Variants in BIRC6 observed in about 807,000 individuals in gnomAD.
The protein encoded by BIRC6 is dual E2 ubiquitin-conjugating enzyme/E3 ubiquitin-protein ligase BIRC6.
In BIRC6, 98 loss-of-function variants were observed where a neutral mutation model predicts 503.3. The ratio of observed to expected loss-of-function variants is 0.19; its 90% CI spans 0.17 to 0.23. The LOEUF is 0.23. Among genes scored for constraint, BIRC6 ranks in the 10% least tolerant of loss-of-function variants. BIRC6 has a pLI of 1.00. For synonymous variants in BIRC6, 2,240 were observed against 2,078.7 expected, an observed-to-expected ratio of 1.08 and a Z score of -2.11; for missense variants, 5,360 against 5,806.0, an observed-to-expected ratio of 0.92 and a Z score of 2.50.
chr2:32,556,203 CTT>C (rs2058769128), intron 65 of BIRC6, among the ~76,000 whole-genome samples: 1 of 152,078 alleles, frequency 6.6e-6, no homozygotes, highest in African/African-American at 2.4e-5. Flanking sequence ...GTGGAAATGA[CTT>C]TGGTATAGAA....
intron 10 of BIRC6, among the ~76,000 whole-genome samples, chr2:32,421,603 T>C (rs2042963186): frequency 1.3e-5 from 2 of 152,242 alleles, no homozygotes; most frequent in South Asian, 4.1e-4. Context: ...AGAGATTATT[T>C]AAAAGTGTTT....
intron 50 of BIRC6, among the ~76,000 whole-genome samples, chr2:32,506,222 A>G (rs959629974): frequency 7.9e-5 from 12 of 152,186 alleles, no homozygotes. Flanking sequence ...AAATTAATAC[A>G]CATGCTTACA....
intron 61 of BIRC6, among the ~76,000 whole-genome samples, chr2:32,533,740 G>A (rs984843412): frequency 6.6e-6 from 1 of 152,176 alleles, no homozygotes. Context: ...GCCATGGAAC[G>A]TAAGTAGCCT....
intron 63 of BIRC6, 131 bp downstream of exon 63, chr2:32,545,991 A>AAAAT (rs777391441): frequency 4.0e-4 from 333 of 835,232 alleles, no homozygotes; most frequent in Non-Finnish European, 5.4e-4. Context: ...AAGGATATTT[A>AAAAT]AAACAGAAAT....
intron 4 of BIRC6, among the ~76,000 whole-genome samples, chr2:32,390,391 C>T (rs1330755246): frequency 6.6e-6 from 1 of 151,252 alleles, no homozygotes; most frequent in South Asian, 2.1e-4. Context: ...AGGATGGTCT[C>T]GAGCTCCTGA....
intron 62 of BIRC6, 111 bp from the exon 63 acceptor site, chr2:32,545,532 A>C: frequency 1.2e-6 from 1 of 855,558 alleles, no homozygotes; most frequent in South Asian, 1.5e-5. Context: ...TAAATAATTT[A>C]GTGGTATACT....
intron 56 of BIRC6, 126 bp from the exon 57 acceptor site, chr2:32,518,691 A>G: frequency 9.4e-6 from 11 of 1,174,716 alleles, no homozygotes; most frequent in South Asian, 3.3e-5. Context: ...ACTATGCCAT[A>G]TCTAAATTAA....
chr2:32,544,954 G>A (rs1414843899), intron 62 of BIRC6, among the ~76,000 whole-genome samples: 1 of 151,136 alleles, frequency 6.6e-6, no homozygotes, highest in East Asian at 1.9e-4. Flanking sequence ...TTATACATAC[G>A]ATATTTTGAT....
intron 50 of BIRC6, 42 bp from the exon 51 acceptor site, chr2:32,507,938 A>G: frequency 1.3e-6 from 2 of 1,576,742 alleles, no homozygotes; most frequent in Non-Finnish European, 1.7e-6. Context: ...TCAATCTAGT[A>G]TACTTTGTCT....
chr2:32,482,883 G>A (rs937214013), intron 39 of BIRC6, among the ~76,000 whole-genome samples: 3 of 151,854 alleles, frequency 2.0e-5, no homozygotes, highest in East Asian at 3.9e-4. Flanking sequence ...TATTTATAAA[G>A]AGAATGAAAC....
chr2:32,458,595 G>A (rs1334497455), intron 23 of BIRC6, among the ~76,000 whole-genome samples: 2 of 150,194 alleles, frequency 1.3e-5, no homozygotes, highest in Admixed American at 6.6e-5. Flanking sequence ...CTGCAGTGTT[G>A]CCTCTGTAGT....
chr2:32,425,187 T>G (rs186591503), intron 10 of BIRC6, among the ~76,000 whole-genome samples: 17 of 152,222 alleles, frequency 1.1e-4, no homozygotes, highest in African/African-American at 4.1e-4. Context: ...ACTTACTTTC[T>G]CATATTCTGT....
intron 66 of BIRC6, among the ~76,000 whole-genome samples, chr2:32,579,742 C>T (rs1258839186): frequency 1.3e-5 from 2 of 152,018 alleles, no homozygotes; most frequent in Non-Finnish European, 2.9e-5. Context: ...AAAGGCTTAT[C>T]ATTTACCTTA....
At chr2:32,378,810 A>C (rs1283494153) in intron 2 of BIRC6, 1 of 152,168 alleles carries the variant, frequency 6.6e-6, no homozygotes, top group Non-Finnish European at 1.5e-5. Context: ...TTGAGTTTTA[A>C]GTTTTAGCCA....
At chr2:32,529,888 G>GCTAATGA in intron 60 of BIRC6, 64 bp downstream of exon 60, 1 of 1,056,126 alleles carries the variant, frequency 9.5e-7, no homozygotes, top group African/African-American at 1.7e-5. Flanking sequence ...GATTTCTATA[G>GCTAATGA]CTAATGACTT....
chr2:32,377,517 A>T, intron 1 of BIRC6, 71 bp from the exon 2 acceptor site: 1 of 1,271,412 alleles, frequency 7.9e-7, no homozygotes. Flanking sequence ...TTTAGTCACT[A>T]TGTAAACATT....
At chr2:32,613,075 T>C (rs1451439842) in intron 73 of BIRC6, among the ~76,000 whole-genome samples, 1 of 151,992 alleles carries the variant, frequency 6.6e-6, no homozygotes, top group Non-Finnish European at 1.5e-5. Context: ...CTCTCCCTCC[T>C]CCAGGCCTTT....
chr2:32,387,301 CTTT>C (rs1281320241), intron 3 of BIRC6, among the ~76,000 whole-genome samples: 4 of 123,432 alleles, frequency 3.2e-5, no homozygotes, highest in Admixed American at 8.3e-5. Context: ...CATTCTCCCT[CTTT>C]TTTTTTTTTT....
Position 32,467,542 on chromosome 2 carries a change from A to G in BIRC6, c.5374A>G (p.Thr1792Ala), listed in dbSNP as rs1445389735. The G allele has an allele frequency of 2.5e-6, 4 of 1,613,766 alleles. No individual in the cohort carries two copies. The East Asian group carries it at 8.9e-5, about 36-fold the overall frequency. Residue 1792 changes from threonine to alanine, a missense_variant, in exon 27 of 74, where the codon ACC becomes GCC. By Grantham distance (58) the Thr-to-Ala change is moderately conservative. This residue lies in a region of BIRC6 where 2,299 missense variants were observed against 2,267.2 expected (regional missense o/e 1.01). Transcript: ENST00000421745. ...RMHSGARRFV[T>A]LDFGRPILLT... is the part of the protein sequence containing the mutation. ...TCTCATAGGAGCAAGAAGATTTGTG[A>G]CCTTGGATTTTGGGAGGCCTATATT...
Sources: allele counts gnomAD v4.1 joint callset (sites outside exome capture counted in the v4.1 genomes callset), GRCh38; gene constraint gnomAD v4.1.1; regional missense constraint gnomAD v4.1.1; transcripts MANE v1.5; gene names NCBI Gene and HGNC (gene_info 2026-07-23, HGNC 2026-07-21).